The following CEP128 variants were observed in gnomAD, a reference collection of about 807,000 sequenced individuals.
The protein encoded by CEP128 is centrosomal protein 128.
A neutral mutation model predicts 156.7 loss-of-function variants in CEP128; 132 were observed. That is an observed-to-expected ratio of 0.84 (90% CI 0.73 to 0.97). The LOEUF is 0.97. CEP128 is among the 50% of genes least tolerant of loss of function. The pLI is 0.00. For synonymous variants in CEP128, 469 were observed against 448.9 expected (o/e 1.04, Z -0.57); for missense variants, 1,252 against 1,281.9 (o/e 0.98, Z 0.36).
At chr14:80,858,078 G>C (rs930936224) in intron 9 of CEP128, among the ~76,000 whole-genome samples, 1 of 152,102 alleles carries the variant, frequency 6.6e-6, no homozygotes, top group African/African-American at 2.4e-5. Context: ...AAAAGAGCCC[G>C]GATCGCCAAG....
chr14:80,815,027 C>T (rs1048128756), intron 13 of CEP128, among the ~76,000 whole-genome samples: 4 of 152,238 alleles, frequency 2.6e-5, no homozygotes, highest in African/African-American at 9.6e-5. Flanking sequence ...CACTGCACTC[C>T]AGCCTTGGCA....
intron 21 of CEP128, among the ~76,000 whole-genome samples, chr14:80,531,305 G>T (rs1033333270): frequency 1.3e-5 from 2 of 152,258 alleles, no homozygotes; most frequent in East Asian, 3.9e-4. Flanking sequence ...ATTCTTAAAT[G>T]TTGCCATTAT....
chr14:80,800,637 C>A (rs545794473), intron 13 of CEP128, among the ~76,000 whole-genome samples: 1 of 152,038 alleles, frequency 6.6e-6, no homozygotes, highest in Non-Finnish European at 1.5e-5. Flanking sequence ...AGGAATCATA[C>A]GATCTTGATG....
intron 10 of CEP128, among the ~76,000 whole-genome samples, chr14:80,839,203 C>A (rs1886234324): frequency 6.6e-6 from 1 of 152,208 alleles, no homozygotes; most frequent in South Asian, 2.1e-4. Context: ...AGTTTCTTAA[C>A]AATTTAGAGC....
intron 12 of CEP128, 95 bp from the exon 13 acceptor site, chr14:80,831,389 G>A (rs1458039632): frequency 7.8e-7 from 1 of 1,288,608 alleles, no homozygotes; most frequent in African/African-American, 1.5e-5. Context: ...CAATATTCTA[G>A]CTATCATAAT....
intron 21 of CEP128, among the ~76,000 whole-genome samples, chr14:80,531,467 A>G (rs1889222730): frequency 6.6e-6 from 1 of 152,222 alleles, no homozygotes; most frequent in African/African-American, 2.4e-5. Flanking sequence ...ACAGTCTTTA[A>G]TTAGCTGATC....
At chr14:80,503,639 C>T (rs918018551) in intron 24 of CEP128, among the ~76,000 whole-genome samples, 6 of 152,078 alleles carry the variant, frequency 3.9e-5, no homozygotes, top group African/African-American at 1.4e-4. Context: ...TCCCTACTTC[C>T]ACCTCCATGC....
At chr14:80,888,285 C>G (rs1031848810) in intron 8 of CEP128, among the ~76,000 whole-genome samples, 2 of 152,122 alleles carry the variant, frequency 1.3e-5, no homozygotes, top group African/African-American at 4.8e-5. Flanking sequence ...TTTTATGAGG[C>G]CAGCATCATC....
intron 21 of CEP128, among the ~76,000 whole-genome samples, chr14:80,531,153 G>A (rs956626314): frequency 6.6e-6 from 1 of 152,166 alleles, no homozygotes; most frequent in African/African-American, 2.4e-5. Flanking sequence ...GCTTTCAACT[G>A]ATATGCTATG....
chr14:80,934,423 G>A (rs1288031210), intron 2 of CEP128, among the ~76,000 whole-genome samples: 6 of 152,160 alleles, frequency 3.9e-5, no homozygotes, highest in Non-Finnish European at 8.8e-5. Flanking sequence ...CACATAGCTG[G>A]AAATCAGAAC....
intron 19 of CEP128, among the ~76,000 whole-genome samples, chr14:80,638,034 C>G (rs1894259986): frequency 6.6e-6 from 1 of 152,172 alleles, no homozygotes; most frequent in Non-Finnish European, 1.5e-5. Flanking sequence ...AAACCTACGA[C>G]AGGATACATT....
Position 80,938,308 on chromosome 14 carries a change from G to A in CEP128, c.-16+1077C>T, listed in dbSNP as rs183006395. Among the ~76,000 whole-genome samples the A allele has an allele frequency of 1.1e-3, 164 of 146,914 alleles. 2 individuals carry two copies. In the East Asian group the frequency reaches 0.019, roughly 17 times the overall value. The stretch of plus-strand genomic sequence containing the variant: ...GTCGCCCAGGCTGGAGTGCAGTGGC[G>A]CGATCTCTGCTCATTGCAAGCTCTG... On this transcript the variant is annotated intron_variant, in intron 2 of 24. Transcript: ENST00000555265.
Position 80,895,807 on chromosome 14 carries a change from A to AAAAG in CEP128, c.573-18_573-17insCTTT. Reference sequence around the variant, plus strand: ...GCATCTGACCTAGGAAGAAAAAAAAAAAAAAGATTTAAATTTGGATATTTA... The same window carrying AAAAG: ...GCATCTGACCTAGGAAGAAAAAAAAAAAAGAAAAAGATTTAAATTTGGATATTTA... On this transcript the variant is annotated splice_polypyrimidine_tract_variant and intron_variant, in intron 7 of 24. Transcript: ENST00000555265. 2 of 1,492,696 alleles carry AAAAG rather than the reference A, an allele frequency of 1.3e-6. No individual in the cohort carries two copies. The highest frequency in any genetic ancestry group is 1.3e-5 in the South Asian group (1 of 74,858). 92.5% of individuals were successfully genotyped at this position (1,492,696 alleles called of 1,614,324 possible).
At chr14:80,849,494 A>G (rs1886780266) in intron 9 of CEP128, among the ~76,000 whole-genome samples, 1 of 152,194 alleles carries the variant, frequency 6.6e-6, no homozygotes, top group South Asian at 2.1e-4. Context: ...ACCATACAAA[A>G]TCCATTAAAC....
intron 19 of CEP128, among the ~76,000 whole-genome samples, chr14:80,729,381 C>T (rs199921871): frequency 6.6e-6 from 1 of 150,734 alleles, no homozygotes; most frequent in African/African-American, 2.4e-5. Flanking sequence ...CTATGGTATA[C>T]ATATATATAT....
At chr14:80,886,737 C>A (rs1888823308) in intron 8 of CEP128, among the ~76,000 whole-genome samples, 1 of 152,136 alleles carries the variant, frequency 6.6e-6, no homozygotes, top group African/African-American at 2.4e-5. Flanking sequence ...GGCAAAATAA[C>A]CAGCTAGCAT....
chr14:80,884,270 C>A (rs1888688300), intron 8 of CEP128, among the ~76,000 whole-genome samples: 1 of 152,138 alleles, frequency 6.6e-6, no homozygotes, highest in South Asian at 2.1e-4. Flanking sequence ...GCGAAGTTAG[C>A]AATCATCAAA....
At chr14:80,753,348 CA>C (rs1899485890) in intron 18 of CEP128, among the ~76,000 whole-genome samples, 1 of 152,006 alleles carries the variant, frequency 6.6e-6, no homozygotes, top group Non-Finnish European at 1.5e-5. Context: ...TTTATACCGT[CA>C]AAAAAGTATA....
chr14:80,944,837 A>C (rs1300690454), upstream of CEP128, among the ~76,000 whole-genome samples: 2 of 117,330 alleles, frequency 1.7e-5, no homozygotes, highest in African/African-American at 7.4e-5. Flanking sequence ...AAAAAAAAAA[A>C]AAAAAAAAAA....
Sources: allele counts gnomAD v4.1 joint callset (sites outside exome capture counted in the v4.1 genomes callset), GRCh38; gene constraint gnomAD v4.1.1; transcripts MANE v1.5; gene names NCBI Gene and HGNC (gene_info 2026-07-23, HGNC 2026-07-21).